The following PCDHGA4 variants were observed in gnomAD, a reference collection of about 807,000 sequenced individuals.
PCDHGA4 encodes protocadherin gamma-A4.
PCDHGA4 carries 38 observed loss-of-function variants against 54.6 expected under a neutral mutation model. That is an observed-to-expected ratio of 0.70 (90% CI 0.54 to 0.91). The LOEUF (loss-of-function observed/expected upper bound fraction) is 0.91, where lower values mean the gene tolerates loss of function less well. Among genes scored for constraint, PCDHGA4 ranks in the 40% least tolerant of loss-of-function variants. The probability of loss-of-function intolerance (pLI) is 0.00; values close to 1 mark genes in which losing one functional copy is unlikely to be tolerated. For synonymous variants in PCDHGA4, 511 were observed against 512.9 expected (o/e 1.00, Z 0.05); for missense variants, 1,298 against 1,220.9 (o/e 1.06, Z -0.94).
At chr5:141,441,831 C>T in intron 1 of PCDHGA4, 3 of 352,742 alleles carry the variant, frequency 8.5e-6, no homozygotes, top group South Asian at 7.2e-5. Context: ...AGCGCAATGG[C>T]TTCGCGCTCT....
chr5:141,462,477 G>A (rs1430561580), intron 1 of PCDHGA4, among the ~76,000 whole-genome samples: 1 of 151,828 alleles, frequency 6.6e-6, no homozygotes, highest in East Asian at 1.9e-4. Flanking sequence ...TCTGCTTCTC[G>A]TGGTTGTTGT....
At chr5:141,478,812 A>G (rs952753762) in intron 1 of PCDHGA4, 16 of 1,453,436 alleles carry the variant, frequency 1.1e-5, no homozygotes, top group Non-Finnish European at 1.4e-5. Flanking sequence ...TTGCTATCAC[A>G]ACTAACCAAT....
intron 1 of PCDHGA4, chr5:141,478,786 C>T: frequency 6.8e-7 from 1 of 1,480,998 alleles, no homozygotes; most frequent in Non-Finnish European, 9.0e-7. Context: ...ACCTAATTCA[C>T]ATCCTCAGCA....
intron 1 of PCDHGA4, among the ~76,000 whole-genome samples, chr5:141,460,070 T>C (rs547558436): frequency 2.0e-5 from 3 of 152,202 alleles, no homozygotes; most frequent in South Asian, 2.1e-4. Flanking sequence ...AGAGTGAGAC[T>C]TCATCTAAAA....
intron 1 of PCDHGA4, chr5:141,421,647 G>A: frequency 6.2e-7 from 1 of 1,613,872 alleles, no homozygotes; most frequent in Non-Finnish European, 8.5e-7. Context: ...ACGAAGTGGA[G>A]ATAAAAGTCA....
intron 1 of PCDHGA4, chr5:141,393,237 A>C (rs1561641299): frequency 6.2e-7 from 1 of 1,613,684 alleles, no homozygotes; most frequent in Non-Finnish European, 8.5e-7. Context: ...AGAAGTAAAA[A>C]TTAACGAAAT....
intron 1 of PCDHGA4, among the ~76,000 whole-genome samples, chr5:141,380,689 C>T (rs570719600): frequency 4.4e-4 from 67 of 152,288 alleles, no homozygotes; most frequent in South Asian, 2.9e-3. Flanking sequence ...GCTTTGTGTT[C>T]GGAGTAGTCT....
chr5:141,374,172 A>C (rs1770228418), intron 1 of PCDHGA4: 1 of 1,613,448 alleles, frequency 6.2e-7, no homozygotes, highest in Non-Finnish European at 8.5e-7. Context: ...GCGGCAGCGC[A>C]GATCCGCTAC....
At chr5:141,404,520 A>C (rs1483361714) in intron 1 of PCDHGA4, 2 of 1,613,916 alleles carry the variant, frequency 1.2e-6, no homozygotes, top group Non-Finnish European at 1.7e-6. Context: ...TTTGACTATG[A>C]GCAGTTTAGA....
intron 1 of PCDHGA4, chr5:141,421,871 CT>C: frequency 6.2e-7 from 1 of 1,613,756 alleles, no homozygotes; most frequent in Non-Finnish European, 8.5e-7. Flanking sequence ...CTCCTCACAG[CT>C]TTAGATGGAG....
rs1190445239 is a variant in PCDHGA4 at position 141,431,331 on chromosome 5, A to T, written c.2515-63476A>T. 1 of 1,614,062 alleles carries T rather than the reference A, an allele frequency of 6.2e-7. No individual in the cohort carries two copies. The highest frequency in any genetic ancestry group is 1.7e-5 in the Admixed American group (1 of 60,026). On this transcript the variant is annotated intron_variant, in intron 1 of 3. Coordinates refer to ENST00000571252, the MANE Select transcript of PCDHGA4 (RefSeq NM_018917.4). The surrounding 1 kb of genome is among the most constrained non-coding windows in gnomAD (Gnocchi z 4.8). ...CAAAATGGAGCCGACGGTAGTAAGT[A>T]CCCCGAATTGGTGCTGAAACGCGCC...
rs373146854 is a variant in PCDHGA4, at chr5:141,357,334, C to T, written c.2227C>T (p.Leu743=). Residue 743 remains leucine (L), a synonymous_variant, in exon 1 of 4, where the codon CTA becomes TTA. Transcript: ENST00000571252. ...CTTCCTGGCTTTTGTCACGGTGCTG[C>T]TAGCACTCAAGCTGAGACGCTGGCA... ...CVFLAFVTVL[L]ALKLRRWHKS... 1 of 1,614,118 alleles carries T rather than the reference C, an allele frequency of 6.2e-7. No homozygotes were observed. The highest frequency in any genetic ancestry group is 1.1e-5 in the South Asian group (1 of 91,088).
chr5:141,433,050 G>A, intron 1 of PCDHGA4: 2 of 1,614,142 alleles, frequency 1.2e-6, no homozygotes, highest in Non-Finnish European at 1.7e-6. Context: ...ACGGACTCGC[G>A]GAAGAGTCAC....
In PCDHGA4 at chr5:141,477,772, C is replaced by G. The variant is rs760319541; in HGVS notation, c.2515-17035C>G. The G allele has an allele frequency of 1.5e-5, 25 of 1,613,908 alleles. No homozygotes were observed. Among genetic ancestry groups the G allele is most frequent in the Non-Finnish European group, 2.1e-5 (25 of 1,180,042 alleles). On this transcript the variant is annotated intron_variant, in intron 1 of 3. Coordinates refer to ENST00000571252, the MANE Select transcript of PCDHGA4 (RefSeq NM_018917.4). This position sits in a 1 kb window ranked among gnomAD's most constrained non-coding sequence, Gnocchi z 4.9. Reference sequence around the variant, plus strand: ...CCCCGGTCCTAGCCACCAACATCAGCGTGAACATATTTGTCACTGATCGCA... The same window carrying G: ...CCCCGGTCCTAGCCACCAACATCAGGGTGAACATATTTGTCACTGATCGCA...
rs554375300 is a variant in PCDHGA4 at position 141,361,649 on chromosome 5, T to C, written c.2514+4028T>C. The stretch of plus-strand genomic sequence containing the variant: ...AAGCCGCGGGAGATTTTATCCTACG[T>C]GTCCGTGAGCGCGCAGAGCGGGGTG... On this transcript the variant is annotated intron_variant, in intron 1 of 3. Transcript: ENST00000571252. 3.7e-6 allele frequency: 6 copies of C among 1,613,772 alleles called. No individual in the cohort carries two copies. The East Asian group carries it at 1.3e-4, about 36-fold the overall frequency.
chr5:141,366,885 T>TA (rs1382759169), intron 1 of PCDHGA4: 4 of 1,309,886 alleles, frequency 3.1e-6, no homozygotes, highest in Admixed American at 2.5e-5. Flanking sequence ...TTAATTTTTT[T>TA]TATATAATTC....
intron 2 of PCDHGA4, among the ~76,000 whole-genome samples, chr5:141,500,027 G>C (rs1458308566): frequency 6.6e-6 from 1 of 151,808 alleles, no homozygotes; most frequent in Non-Finnish European, 1.5e-5. Flanking sequence ...ATATTTGAGT[G>C]AGTGTCTCTT....
chr5:141,371,999 C>T (rs1243800762), intron 1 of PCDHGA4: 33 of 1,613,154 alleles, frequency 2.0e-5, no homozygotes, highest in Non-Finnish European at 2.8e-5. Flanking sequence ...TGCAGGCCCG[C>T]GACCAGGGCT....
At chr5:141,403,614 G>A (rs772617526) in intron 1 of PCDHGA4, 4 of 1,613,750 alleles carry the variant, frequency 2.5e-6, no homozygotes, top group Non-Finnish European at 3.4e-6. Flanking sequence ...GGCGAGCCGC[G>A]TCGCTCCAGC....
Sources: allele counts gnomAD v4.1 joint callset (sites outside exome capture counted in the v4.1 genomes callset), GRCh38; gene constraint gnomAD v4.1.1; non-coding constraint Gnocchi (gnomAD v3.1); transcripts MANE v1.5; gene names NCBI Gene and HGNC (gene_info 2026-07-23, HGNC 2026-07-21).